FBXW7: variants seen among roughly 807,000 people sequenced by gnomAD.
FBXW7 encodes the protein F-box and WD repeat domain containing 7.
In FBXW7, 11 loss-of-function variants were observed where a neutral mutation model predicts 86.3. The ratio of observed to expected loss-of-function variants is 0.13; its 90% confidence interval spans 0.08 to 0.21. The LOEUF (loss-of-function observed/expected upper bound fraction) is 0.21, where lower values mean the gene tolerates loss of function less well. Among genes scored for constraint, FBXW7 ranks in the 10% least tolerant of loss-of-function variants. The pLI is 1.00. For synonymous variants in FBXW7, 313 were observed against 297.9 expected, an observed-to-expected ratio of 1.05 and a Z score of -0.52; for missense variants, 488 against 847.4, an observed-to-expected ratio of 0.58 and a Z score of 5.27.
Position 152,346,991 on chromosome 4 carries a change from C to T in FBXW7, c.665G>A (p.Arg222Gln), listed in dbSNP as rs2126635204. 2 of 1,612,856 alleles carry T rather than the reference C, an allele frequency of 1.2e-6. No homozygotes were observed. The highest frequency in any genetic ancestry group is 1.3e-5 in the African/African-American group (1 of 74,616). Residue 222 changes from arginine to glutamine, a missense_variant, in exon 6 of 14, where the codon CGA (arginine) becomes CAA (glutamine). Transcript: ENST00000281708. ...TGGCTGGACAGATGTAATTCGGCGT[C>T]GTTGTTGCCCTTGGCCATTGGCTGC... ...LRAANGQGQQ[R>Q]RRITSVQPPT...
intron 2 of FBXW7, among the ~76,000 whole-genome samples, chr4:152,533,204 T>C (rs956712369): frequency 6.7e-6 from 1 of 149,228 alleles, no homozygotes; most frequent in Non-Finnish European, 1.5e-5. Flanking sequence ...AAAAAAAAAA[T>C]ACCGTAATTT....
At chr4:152,328,419 G>A (rs2126517044) in intron 10 of FBXW7, 30 bp from the exon 11 acceptor site, 1 of 1,362,770 alleles carries the variant, frequency 7.3e-7, no homozygotes, top group Non-Finnish European at 9.6e-7. Flanking sequence ...GATTACTTTT[G>A]GGTAGAAAGG....
At chr4:152,429,380 G>C (rs1397094872) in intron 2 of FBXW7, among the ~76,000 whole-genome samples, 1 of 151,832 alleles carries the variant, frequency 6.6e-6, no homozygotes, top group African/African-American at 2.4e-5. Flanking sequence ...GGGTGGTGGG[G>C]GGCGGCGGGG....
At chr4:152,417,647 T>G (rs563192219) in intron 2 of FBXW7, among the ~76,000 whole-genome samples, 1 of 152,180 alleles carries the variant, frequency 6.6e-6, no homozygotes, top group East Asian at 1.9e-4. Flanking sequence ...AACATCCCTG[T>G]GGGTGCGTAA....
At chr4:152,349,641 G>A (rs1443935978) in intron 5 of FBXW7, among the ~76,000 whole-genome samples, 2 of 151,888 alleles carry the variant, frequency 1.3e-5, no homozygotes. Context: ...GATTGAGTTA[G>A]TAATTGTTTT....
intron 4 of FBXW7, among the ~76,000 whole-genome samples, chr4:152,386,392 T>C (rs1735530187): frequency 6.6e-6 from 1 of 152,036 alleles, no homozygotes; most frequent in South Asian, 2.1e-4. Flanking sequence ...TTAGTTGATA[T>C]AAGTATACAG....
chr4:152,514,648 A>G (rs779785593), intron 2 of FBXW7, among the ~76,000 whole-genome samples: 1 of 152,120 alleles, frequency 6.6e-6, no homozygotes, highest in Non-Finnish European at 1.5e-5. Flanking sequence ...ATGAGAACTG[A>G]TAAAAAGAGC....
intron 2 of FBXW7, among the ~76,000 whole-genome samples, chr4:152,497,252 G>A (rs1746433920): frequency 6.8e-6 from 1 of 147,534 alleles, no homozygotes; most frequent in Non-Finnish European, 1.5e-5. Flanking sequence ...GAACCCGGGA[G>A]GCAGAATTTG....
At chr4:152,342,580 A>C (rs1158437217) in intron 6 of FBXW7, among the ~76,000 whole-genome samples, 1 of 152,186 alleles carries the variant, frequency 6.6e-6, no homozygotes, top group Non-Finnish European at 1.5e-5. Flanking sequence ...AGACTGTTTT[A>C]TGACCTTGGG....
At chr4:152,532,117 C>T (rs1050899963) in intron 2 of FBXW7, among the ~76,000 whole-genome samples, 1 of 152,220 alleles carries the variant, frequency 6.6e-6, no homozygotes, top group East Asian at 1.9e-4. Flanking sequence ...ATAATTCCAA[C>T]TTTACATTTT....
intron 2 of FBXW7, among the ~76,000 whole-genome samples, chr4:152,449,760 C>A (rs1741739612): frequency 6.6e-6 from 1 of 152,188 alleles, no homozygotes; most frequent in East Asian, 1.9e-4. Flanking sequence ...CTTAAGCATT[C>A]TACCTTTGCC....
intron 2 of FBXW7, among the ~76,000 whole-genome samples, chr4:152,416,358 T>C (rs1016707999): frequency 2.6e-5 from 4 of 152,194 alleles, no homozygotes; most frequent in African/African-American, 9.6e-5. Context: ...TGGTAGGACA[T>C]ATATCCTAAT....
At chr4:152,375,144 T>C (rs533460569) in intron 4 of FBXW7, among the ~76,000 whole-genome samples, 1 of 152,152 alleles carries the variant, frequency 6.6e-6, no homozygotes, top group South Asian at 2.1e-4. Context: ...GACAGAAATG[T>C]AATGCTAAGT....
chr4:152,399,802 AAAG>A (rs780354664), intron 4 of FBXW7, among the ~76,000 whole-genome samples: 3 of 152,218 alleles, frequency 2.0e-5, no homozygotes, highest in Non-Finnish European at 2.9e-5. Context: ...ATAAAAAATC[AAAG>A]AAGAACTAAA....
chr4:152,475,618 T>C (rs1311563766), intron 2 of FBXW7, among the ~76,000 whole-genome samples: 3 of 152,232 alleles, frequency 2.0e-5, no homozygotes, highest in Non-Finnish European at 4.4e-5. Flanking sequence ...ATGTTGTCTA[T>C]ATAGAAAATC....
intron 12 of FBXW7, 34 bp downstream of exon 12, chr4:152,325,972 G>C (rs773219815): frequency 3.9e-6 from 6 of 1,553,004 alleles, no homozygotes; most frequent in Non-Finnish European, 4.4e-6. Context: ...TGATTCATCA[G>C]GAGAGCATTT....
intron 4 of FBXW7, among the ~76,000 whole-genome samples, chr4:152,353,557 C>T (rs1052241671): frequency 4.6e-5 from 7 of 152,110 alleles, no homozygotes; most frequent in African/African-American, 1.7e-4. Flanking sequence ...GGCCAAAAGG[C>T]TATTTTATCC....
chr4:152,381,761 A>G (rs971834466), intron 4 of FBXW7, among the ~76,000 whole-genome samples: 3 of 152,130 alleles, frequency 2.0e-5, no homozygotes, highest in Non-Finnish European at 2.9e-5. Flanking sequence ...AAAATAATAC[A>G]GCTTAAGAGG....
rs1737962037 is a variant in FBXW7 at position 152,411,476 on chromosome 4, C to T, written c.328G>A (p.Glu110Lys). The T allele has an allele frequency of 6.2e-7, 1 of 1,613,466 alleles. No individual in the cohort carries two copies. Among genetic ancestry groups the T allele is most frequent in the Non-Finnish European group, 8.5e-7 (1 of 1,179,788 alleles). ...ATCTCCTCCTCCTCCTCATCCTCCT[C>T]ATCTTGTTCACCAGCATGTTCTTCA... Reference protein sequence around the residue: ...EDEEHAGEQDEEDEEEEEMDQ... With the variant: ...EDEEHAGEQDKEDEEEEEMDQ... Residue 110 changes from glutamate to lysine, a missense_variant, in exon 4 of 14, where the codon GAG (glutamate) becomes AAG (lysine). Glu to Lys is a moderately conservative substitution (Grantham distance 56). This residue lies in a region of FBXW7 where 230 missense variants were observed against 240.0 expected (regional missense o/e 0.96). Coordinates refer to ENST00000281708, the MANE Select transcript of FBXW7 (RefSeq NM_001349798.2).
Sources: allele counts gnomAD v4.1 joint callset (sites outside exome capture counted in the v4.1 genomes callset), GRCh38; gene constraint gnomAD v4.1.1; regional missense constraint gnomAD v4.1.1; transcripts MANE v1.5; gene names NCBI Gene and HGNC (gene_info 2026-07-23, HGNC 2026-07-21).